Variants in CRYZL1 observed in about 807,000 individuals in gnomAD.
CRYZL1 encodes the protein crystallin zeta like 1.
CRYZL1 carries 34 observed loss-of-function variants against 50.6 expected under a neutral mutation model. That is an observed-to-expected ratio of 0.67 (90% CI 0.51 to 0.89). CRYZL1 has a LOEUF of 0.89. CRYZL1 is among the 40% of genes least tolerant of loss of function. The pLI, the probability that CRYZL1 is intolerant of heterozygous loss-of-function variation, is 0.00. For missense variants in CRYZL1, 354 were observed against 402.3 expected, an observed-to-expected ratio of 0.88 and a Z score of 1.03; for synonymous variants, 125 against 134.3, an observed-to-expected ratio of 0.93 and a Z score of 0.48.
intron 11 of CRYZL1, among the ~76,000 whole-genome samples, chr21:33,592,802 A>G (rs1403035496): frequency 6.6e-6 from 1 of 152,172 alleles, no homozygotes; most frequent in Admixed American, 6.5e-5. Context: ...CTGTAATCCC[A>G]GCATTTTGGG....
chr21:33,631,468 T>C lies in CRYZL1; in HGVS notation c.66+18A>G. ...AAAAATACACTAACTACTTTAATGA[T>C]TAAACATTTTTTCTTACCTTTTCTT... On this transcript the variant is annotated intron_variant, in intron 2 of 12. Transcript: ENST00000381554. 1.3e-6 allele frequency: 2 copies of C among 1,483,164 alleles called. No individual in the cohort carries two copies. Among genetic ancestry groups the C allele is most frequent in the Non-Finnish European group, 1.8e-6 (2 of 1,109,158 alleles). 91.9% of individuals were successfully genotyped at this position (1,483,164 alleles called of 1,614,324 possible).
intron 4 of CRYZL1, among the ~76,000 whole-genome samples, chr21:33,621,680 T>A (rs962886266): frequency 2.0e-5 from 3 of 152,124 alleles, no homozygotes; most frequent in Non-Finnish European, 4.4e-5. Flanking sequence ...CACGAATTTG[T>A]GTTGGGCTGA....
At chr21:33,635,548 GT>G (rs1434183229) in intron 1 of CRYZL1, among the ~76,000 whole-genome samples, 6 of 151,236 alleles carry the variant, frequency 4.0e-5, no homozygotes, top group Admixed American at 2.6e-4. Flanking sequence ...TACAGACGGG[GT>G]TTCACCGTGT....
chr21:33,605,624 C>T lies in CRYZL1; in HGVS notation c.332-2087G>A, dbSNP rs966561991. On this transcript the variant is annotated intron_variant, in intron 6 of 12. Transcript: ENST00000381554. ...GCACCCTCCCCCTCCTGGGTTCAAG[C>T]AATTCTCCTGCCTCAGCCTCCCAAG... Among the ~76,000 whole-genome samples the T allele has an allele frequency of 6.7e-5, 10 of 149,466 alleles. No individual in the cohort carries two copies. The East Asian group carries it at 1.8e-3, about 26-fold the overall frequency.
At chr21:33,616,916 T>C in intron 4 of CRYZL1, 166 bp from the exon 5 acceptor site, 2 of 508,776 alleles carry the variant, frequency 3.9e-6, no homozygotes. Context: ...CTGTAAAGAC[T>C]ACAGGATATA....
intron 11 of CRYZL1, among the ~76,000 whole-genome samples, chr21:33,592,089 T>C (rs776714298): frequency 5.9e-5 from 9 of 151,712 alleles, no homozygotes; most frequent in Non-Finnish European, 2.9e-5. Context: ...ATGTAGATAG[T>C]GGTTATGCTA....
At chr21:33,641,588 C>T (rs2087343491) in intron 1 of CRYZL1, 93 bp downstream of exon 1, 1 of 323,418 alleles carries the variant, frequency 3.1e-6, no homozygotes, top group Non-Finnish European at 5.9e-6. Context: ...AACCACCATC[C>T]TCCCCAGGGC....
At chr21:33,618,288 C>CA (rs35810127) in intron 4 of CRYZL1, among the ~76,000 whole-genome samples, 62,082 of 91,224 alleles carry the variant, frequency 0.68, 20,352 homozygotes, top group East Asian at 0.72. Flanking sequence ...GACTCCGTCT[C>CA]AAAAAAAAAA....
intron 2 of CRYZL1, 36 bp downstream of exon 2, chr21:33,631,450 C>A: frequency 7.0e-7 from 1 of 1,418,984 alleles, no homozygotes; most frequent in Admixed American, 2.6e-5. Context: ...GATAAAAATA[C>A]ACTAACTACT....
intron 3 of CRYZL1, among the ~76,000 whole-genome samples, chr21:33,622,454 G>C (rs1012124428): frequency 6.6e-6 from 1 of 152,152 alleles, no homozygotes; most frequent in African/African-American, 2.4e-5. Flanking sequence ...GTTGAATAAG[G>C]GGGTGTGGCC....
At chr21:33,604,913 C>T (rs955257005) in intron 6 of CRYZL1, among the ~76,000 whole-genome samples, 1 of 152,182 alleles carries the variant, frequency 6.6e-6, no homozygotes, top group Non-Finnish European at 1.5e-5. Flanking sequence ...TTAACTACAC[C>T]TTTCCAAAGT....
In CRYZL1 at chr21:33,599,156, C is replaced by T. The variant is rs766837748; in HGVS notation, c.670G>A (p.Ala224Thr). 1.5e-5 allele frequency: 25 copies of T among 1,613,870 alleles called. No individual in the cohort carries two copies. The East Asian group carries it at 4.7e-4, about 30-fold the overall frequency. ...AATTTCATAAGGTACCTACCTCCAG[C>T]ATCTAGGACAATATCTACTCCCAGG... ...GGLGVDIVLD[A>T]GVRLYSKDDE... is the part of the protein sequence containing the mutation. The change falls in exon 9 of 13, where the codon GCT (alanine) becomes ACT (threonine). Residue 224 changes from alanine (A) to threonine (T), a missense_variant. Physicochemically the swap from Ala to Thr is moderately conservative, Grantham distance 58. Coordinates refer to ENST00000381554, the MANE Select transcript of CRYZL1 (RefSeq NM_145858.3).
chr21:33,617,482 C>G, intron 4 of CRYZL1, among the ~76,000 whole-genome samples: 1 of 152,102 alleles, frequency 6.6e-6, no homozygotes. Flanking sequence ...GCAGGACAAG[C>G]CGCAGACAAA....
intron 1 of CRYZL1, among the ~76,000 whole-genome samples, chr21:33,637,444 C>CAAAAAAAAAAAAAA (rs544640250): frequency 1.3e-5 from 1 of 76,926 alleles, no homozygotes; most frequent in Non-Finnish European, 2.7e-5. Context: ...GACTCTGTCT[C>CAAAAAAAAAAAAAA]AAAAAAAAAA....
chr21:33,620,991 G>GC (rs2086992406), intron 4 of CRYZL1, among the ~76,000 whole-genome samples: 1 of 96,578 alleles, frequency 1.0e-5, no homozygotes, highest in African/African-American at 4.0e-5. Flanking sequence ...CTGCAGCTCC[G>GC]CCCCCTGGGG....
intron 3 of CRYZL1, among the ~76,000 whole-genome samples, chr21:33,623,954 G>A (rs1423457957): frequency 6.6e-6 from 1 of 152,042 alleles, no homozygotes; most frequent in Admixed American, 6.6e-5. Flanking sequence ...AGAGAAATAT[G>A]AACCATAACT....
At chr21:33,616,921 G>T in intron 4 of CRYZL1, 171 bp from the exon 5 acceptor site, 1 of 476,486 alleles carries the variant, frequency 2.1e-6, no homozygotes, top group Non-Finnish European at 3.6e-6. Context: ...AAGACTACAG[G>T]ATATACAGCA....
intron 5 of CRYZL1, among the ~76,000 whole-genome samples, chr21:33,615,483 T>C (rs1244959850): frequency 2.6e-5 from 4 of 152,130 alleles, no homozygotes; most frequent in Non-Finnish European, 4.4e-5. Flanking sequence ...ATACAAGTTA[T>C]ATAAATGTTT....
intron 2 of CRYZL1, among the ~76,000 whole-genome samples, chr21:33,630,410 A>G (rs978977109): frequency 6.6e-6 from 1 of 152,116 alleles, no homozygotes; most frequent in African/African-American, 2.4e-5. Flanking sequence ...ACATGGCGAA[A>G]CCCTGTCTCT....
Sources: gnomAD v4.1 joint callset for allele counts (sites outside exome capture counted in the v4.1 genomes callset) on GRCh38, gnomAD v4.1.1 for gene constraint, MANE v1.5 for transcripts, NCBI Gene and HGNC (gene_info 2026-07-23, HGNC 2026-07-21) for gene names.